The following MTAP variants were observed in gnomAD, a reference collection of about 807,000 sequenced individuals.
MTAP encodes S-methyl-5'-thioadenosine phosphorylase.
In MTAP, 33 loss-of-function variants were observed where a neutral mutation model predicts 33.6. That is an observed-to-expected ratio of 0.98 (90% CI 0.74 to 1.31). MTAP has a LOEUF of 1.31. Ranked by LOEUF, MTAP falls within the 40% of genes most tolerant of loss-of-function variation. MTAP has a pLI of 0.00. For synonymous variants in MTAP, 148 were observed against 125.7 expected, an observed-to-expected ratio of 1.18 and a Z score of -1.19; for missense variants, 367 against 360.0, an observed-to-expected ratio of 1.02 and a Z score of -0.16.
chr9:21,818,300 T>G (rs1587205498), intron 4 of MTAP, 98 bp downstream of exon 4: 4 of 598,580 alleles, frequency 6.7e-6, no homozygotes, highest in Non-Finnish European at 8.4e-6. Flanking sequence ...GGGAGGGCAG[T>G]GCCACAGACT....
At chr9:21,906,536 A>T (rs182023514) in intron 1 of MTAP, among the ~76,000 whole-genome samples, 10 of 152,300 alleles carry the variant, frequency 6.6e-5, no homozygotes, top group Non-Finnish European at 1.0e-4. Context: ...AAGGGCTGAC[A>T]TAAAATCTAC....
chr9:21,918,373 A>G (rs1253166049), intron 1 of MTAP, among the ~76,000 whole-genome samples: 1 of 150,056 alleles, frequency 6.7e-6, no homozygotes, highest in Non-Finnish European at 1.5e-5. Flanking sequence ...AAAAAAAAAA[A>G]AGAGTGATTA....
At chr9:21,815,128 G>A (rs556369377) in intron 1 of MTAP, among the ~76,000 whole-genome samples, 2 of 152,130 alleles carry the variant, frequency 1.3e-5, no homozygotes, top group Non-Finnish European at 2.9e-5. Context: ...ACCTTGAGTT[G>A]GTTAAAATAC....
intron 1 of MTAP, among the ~76,000 whole-genome samples, chr9:21,916,658 T>C (rs577825887): frequency 6.6e-6 from 1 of 151,930 alleles, no homozygotes; most frequent in Non-Finnish European, 1.5e-5. Context: ...AAAAAATCCA[T>C]GTGAAGGTGG....
chr9:21,863,587 C>T lies in MTAP; in HGVS notation c.*1573C>T. 1 of 943,162 alleles carries T rather than the reference C, an allele frequency of 1.1e-6. No individual in the cohort carries two copies. The highest frequency in any genetic ancestry group is 1.3e-6 in the Non-Finnish European group (1 of 792,376). 58.4% of individuals were successfully genotyped at this position (943,162 alleles called of 1,614,324 possible). A position where few individuals can be genotyped will look rare whatever the true frequency, so the allele number is the denominator to read the frequency against. ...GCAGTGAGACGAGCTTGTGCCACTG[C>T]ACTCCAGCCTGGGCAACAGAGTAAG... On this transcript the variant is annotated 3_prime_UTR_variant, in exon 8 of 8. Coordinates refer to ENST00000644715, the MANE Select transcript of MTAP (RefSeq NM_002451.4).
At chr9:21,811,784 C>A in intron 1 of MTAP, 1 of 526,798 alleles carries the variant, frequency 1.9e-6, no homozygotes. Flanking sequence ...AGCTTTGCAC[C>A]GAAGTATACC....
At chr9:21,919,652 A>G (rs1818754177) in intron 1 of MTAP, among the ~76,000 whole-genome samples, 1 of 152,198 alleles carries the variant, frequency 6.6e-6, no homozygotes. Flanking sequence ...GACCATAAGC[A>G]TTTTAGCTGG....
rs752393305 is a variant in MTAP, at chr9:21,927,136, C to G, written c.148-3872C>G. ...CTAGCCCTTGGGCTACCCATACTAA[C>G]CAAACCGTTTCAGCTTTTCATCACT... On this transcript the variant is annotated intron_variant, in intron 1 of 1. Transcript: ENST00000577563. Among the ~76,000 whole-genome samples the G allele has an allele frequency of 3.9e-5, 6 of 152,310 alleles. No individual in the cohort carries two copies. In the South Asian group the frequency reaches 1.2e-3, roughly 32 times the overall value.
intron 1 of MTAP, 166 bp downstream of exon 1, chr9:21,802,947 G>A (rs1260291718): frequency 1.4e-6 from 2 of 1,410,436 alleles, no homozygotes; most frequent in Admixed American, 3.3e-5. Flanking sequence ...CGCGCGAGGA[G>A]AGGGTACGCT....
rs1317893409 is a variant in MTAP, at chr9:21,861,998, T to C, written c.836T>C (p.Leu279Ser). Reference sequence around the variant, plus strand: ...CAGAATATGGCCCAGTTTTCTGTTTTATTACCAAGACATTAAAGTAGCATG... The same window carrying C: ...CAGAATATGGCCCAGTTTTCTGTTTCATTACCAAGACATTAAAGTAGCATG... ...NLKNMAQFSV[L>S]LPRH The change falls in exon 8 of 8, where the codon TTA (leucine) becomes TCA (serine). Residue 279 changes from leucine to serine, a missense_variant. Physicochemically the swap from Leu to Ser is moderately radical, Grantham distance 145 (BLOSUM62 -2). Transcript: ENST00000644715. 3 of 1,609,258 alleles carry C rather than the reference T, an allele frequency of 1.9e-6. No individual in the cohort carries two copies. Among genetic ancestry groups the C allele is most frequent in the East Asian group, 2.2e-5 (1 of 44,838 alleles).
intron 1 of MTAP, among the ~76,000 whole-genome samples, chr9:21,877,473 G>A (rs901394612): frequency 1.3e-5 from 2 of 151,950 alleles, no homozygotes; most frequent in Non-Finnish European, 2.9e-5. Context: ...TTCCCCATCC[G>A]GTATGATATT....
intron 1 of MTAP, among the ~76,000 whole-genome samples, chr9:21,917,575 A>G (rs1470969604): frequency 6.6e-6 from 1 of 152,198 alleles, no homozygotes; most frequent in African/African-American, 2.4e-5. Flanking sequence ...GGCCATAATT[A>G]AAAAGTCAAA....
intron 1 of MTAP, among the ~76,000 whole-genome samples, chr9:21,926,661 A>G (rs771125811): frequency 6.6e-5 from 10 of 152,202 alleles, no homozygotes; most frequent in Non-Finnish European, 1.3e-4. Context: ...AGAGATTTGC[A>G]GGACCTAACT....
chr9:21,836,071 A>G (rs895038350), intron 4 of MTAP, among the ~76,000 whole-genome samples: 6 of 152,056 alleles, frequency 3.9e-5, no homozygotes, highest in Non-Finnish European at 8.8e-5. Context: ...GCCGACTCCA[A>G]TTCTGTCTCT....
At position 21,865,310 on chromosome 9, in the gene MTAP, C is replaced by T. The variant is rs972869078; in HGVS notation, c.*3296C>T. 1.9e-6 allele frequency: 1 copy of T among 533,230 alleles called. No individual in the cohort carries two copies. The highest frequency in any genetic ancestry group is 2.4e-6 in the Non-Finnish European group (1 of 417,204). The allele number at this position is 533,230 out of a possible 1,614,324, so 33.0% of individuals were successfully genotyped here. On this transcript the variant is annotated 3_prime_UTR_variant, in exon 8 of 8. Transcript: ENST00000644715. The stretch of plus-strand genomic sequence containing the variant: ...TGTGAAGAAGGACGTGTTTGTTTCC[C>T]CTTCTGCCACGATTGTAAGTTTCCT...
At position 21,820,092 on chromosome 9, in the gene MTAP, T is replaced by C. The variant is rs188456732; in HGVS notation, c.347+1890T>C. The stretch of plus-strand genomic sequence containing the variant: ...AAAAATTTTCTCCCATTCTGTAGGT[T>C]GCCTGTTCACTCTGATGGTAGTTTC... On this transcript the variant is annotated intron_variant, in intron 4 of 7. Coordinates refer to ENST00000644715, the MANE Select transcript of MTAP (RefSeq NM_002451.4). Among the ~76,000 whole-genome samples, 409 of 152,342 alleles carry C rather than the reference T, an allele frequency of 2.7e-3. 1 individual carries two copies. The highest frequency in any genetic ancestry group is 9.3e-3 in the African/African-American group (386 of 41,574).
At chr9:21,806,403 G>A (rs1824207893) in intron 1 of MTAP, among the ~76,000 whole-genome samples, 2 of 152,064 alleles carry the variant, frequency 1.3e-5, no homozygotes, top group Admixed American at 6.5e-5. Context: ...GCGATAAGGG[G>A]CCACGAGTGA....
chr9:21,808,592 CAA>C (rs570936368), intron 1 of MTAP, among the ~76,000 whole-genome samples: 3 of 133,718 alleles, frequency 2.2e-5, no homozygotes, highest in Non-Finnish European at 3.2e-5. Context: ...ACTCTGTTTC[CAA>C]AAAAAAAAAA....
intron 1 of MTAP, among the ~76,000 whole-genome samples, chr9:21,927,392 C>G (rs78697513): frequency 4.6e-5 from 7 of 152,072 alleles, no homozygotes; most frequent in Admixed American, 2.0e-4. Context: ...ATAAAAAGAC[C>G]GCAATGGATC....
Sources: gnomAD v4.1 joint callset for allele counts (sites outside exome capture counted in the v4.1 genomes callset) on GRCh38, gnomAD v4.1.1 for gene constraint, MANE v1.5 for transcripts, NCBI Gene and HGNC (gene_info 2026-07-23, HGNC 2026-07-21) for gene names.